TCF25: variants seen among roughly 807,000 people sequenced by gnomAD.
TCF25 encodes the protein TCF25 ribosome quality control complex subunit.
In TCF25, 41 loss-of-function variants were observed where a neutral mutation model predicts 83.1. That is an observed-to-expected ratio of 0.49 (90% CI 0.38 to 0.64). TCF25 has a LOEUF of 0.64. TCF25 is among the 30% of genes least tolerant of loss of function. The probability of loss-of-function intolerance (pLI) is 0.00; values close to 1 mark genes in which losing one functional copy is unlikely to be tolerated. For synonymous variants in TCF25, 458 were observed against 365.0 expected (o/e 1.25, Z -2.90); for missense variants, 979 against 914.5 (o/e 1.07, Z -0.91).
intron 1 of TCF25, chr16:89,878,376 A>T (rs1228052658): frequency 8.6e-7 from 1 of 1,166,422 alleles, no homozygotes; most frequent in Non-Finnish European, 1.1e-6. Context: ...ACCTGAGGTC[A>T]GGAGTTCGAG....
intron 1 of TCF25, among the ~76,000 whole-genome samples, chr16:89,875,818 G>A (rs1251889179): frequency 7.7e-6 from 1 of 129,036 alleles, no homozygotes; most frequent in African/African-American, 3.2e-5. Context: ...CACTGCGCCT[G>A]GCTTTTTTTT....
intron 16 of TCF25, chr16:89,909,118 A>C: frequency 7.8e-7 from 1 of 1,288,422 alleles, no homozygotes; most frequent in Non-Finnish European, 1.0e-6. Flanking sequence ...GTGTGCAGTG[A>C]AGTGGGGAAA....
chr16:89,886,764 A>G (rs1386281762), intron 4 of TCF25, among the ~76,000 whole-genome samples: 7 of 151,732 alleles, frequency 4.6e-5, no homozygotes, highest in Non-Finnish European at 1.0e-4. Flanking sequence ...CCGTCTCAAA[A>G]AAAAGAAAAA....
At chr16:89,886,002 C>G in intron 4 of TCF25, 36 bp downstream of exon 4, 1 of 1,563,616 alleles carries the variant, frequency 6.4e-7, no homozygotes, top group Non-Finnish European at 8.8e-7. Flanking sequence ...CTGCCCTTCT[C>G]TGCGGCTGCC....
Position 89,892,185 on chromosome 16 carries a change from C to T in TCF25, c.615-8C>T. ...AGTAAAGCTGTACCTGTGTCCCGTT[C>T]TCCCCAGGCCACGGCAGAGACAACG... On this transcript the variant is annotated splice_region_variant and splice_polypyrimidine_tract_variant and intron_variant, in intron 5 of 17. Coordinates refer to ENST00000263346, the MANE Select transcript of TCF25 (RefSeq NM_014972.3). 6.2e-7 allele frequency: 1 copy of T among 1,600,944 alleles called. No homozygotes were observed.
chr16:89,906,383 C>A, intron 15 of TCF25, 99 bp downstream of exon 15: 1 of 1,218,026 alleles, frequency 8.2e-7, no homozygotes, highest in African/African-American at 1.5e-5. Context: ...GTGGTGCGGG[C>A]TCCCTCAGCA....
rs201165635 is a variant in TCF25, at chr16:89,904,898, C to T, written c.1470-40C>T. On this transcript the variant is annotated intron_variant, in intron 13 of 17. Transcript: ENST00000263346. ...TGCCAGCCTCGAGGCAGGCTGTGGT[C>T]TGAAGAGGGGTTCTGCTCAGAGCCC... The T allele has an allele frequency of 2.6e-5, 41 of 1,582,362 alleles. No homozygotes were observed. The East Asian group carries it at 9.1e-4, about 35-fold the overall frequency.
rs755082536 is a variant in TCF25, at chr16:89,911,139, G to A, written c.1932G>A (p.Arg644=). ...GGLNRNQGLN[R]LMLAVRDMMA... ...TGAACCGCAACCAGGGCCTGAACAG[G>A]CTGATGCTGGCTGTGCGCGACATGA... is the stretch of plus-strand genomic sequence containing the variant. Residue 644 remains arginine (R), a synonymous_variant, in exon 18 of 18, where the codon AGG becomes AGA. Coordinates refer to ENST00000263346, the MANE Select transcript of TCF25 (RefSeq NM_014972.3). 1 of 1,612,054 alleles carries A rather than the reference G, an allele frequency of 6.2e-7. No homozygotes were observed. Among genetic ancestry groups the A allele is most frequent in the Non-Finnish European group, 8.5e-7 (1 of 1,179,964 alleles).
chr16:89,886,256 T>C (rs889635075), intron 4 of TCF25: 14 of 373,374 alleles, frequency 3.7e-5, no homozygotes, highest in East Asian at 6.7e-5. Context: ...TGAAACCCCC[T>C]CTCTACTAAA....
chr16:89,874,973 A>C (rs1333993452), intron 1 of TCF25: 1 of 152,188 alleles, frequency 6.6e-6, no homozygotes, highest in Non-Finnish European at 1.5e-5. Context: ...GTCAAGGTTC[A>C]GTAATTTGCT....
At position 89,873,858 on chromosome 16, in the gene TCF25, TGGTGAGGAGCGCGGCGGCCCGGGTG is replaced by T. The variant is rs977469199; in HGVS notation, c.192+2_192+26del. On this transcript the variant is annotated splice_donor_variant and splice_donor_5th_base_variant and coding_sequence_variant and intron_variant, in exon 1 of 18. Coordinates refer to ENST00000263346, the MANE Select transcript of TCF25 (RefSeq NM_014972.3). LOFTEE classifies it high-confidence loss of function. ...GTCCGAGTCAACAACCGCTTCGAGCTGGTGAGGAGCGCGGCGGCCCGGGTGGGGGTGGGGTGGCCCTTGACGTTGT... is the reference window on the plus strand; with the variant it reads ...GTCCGAGTCAACAACCGCTTCGAGCTGGGGTGGGGTGGCCCTTGACGTTGT... The T allele has an allele frequency of 1.5e-6, 2 of 1,321,998 alleles. No individual in the cohort carries two copies. The highest frequency in any genetic ancestry group is 3.6e-5 in the African/African-American group (2 of 56,180). The allele number at this position is 1,321,998 out of a possible 1,614,324, so 81.9% of individuals were successfully genotyped here.
intron 4 of TCF25, among the ~76,000 whole-genome samples, chr16:89,886,826 A>G (rs1235374990): frequency 6.6e-6 from 1 of 151,790 alleles, no homozygotes; most frequent in Non-Finnish European, 1.5e-5. Context: ...AATCCCAGCC[A>G]CTCAGGAGGC....
chr16:89,888,581 T>TC (rs1942274191), intron 5 of TCF25, among the ~76,000 whole-genome samples: 1 of 143,160 alleles, frequency 7.0e-6, no homozygotes, highest in Non-Finnish European at 1.5e-5. Context: ...AGAGCGAAAC[T>TC]CCATCTCAAA....
intron 5 of TCF25, chr16:89,890,779 T>C (rs565816724): frequency 1.3e-5 from 2 of 152,302 alleles, no homozygotes; most frequent in African/African-American, 4.8e-5. Context: ...ATTAGTATTA[T>C]AACTGTTAAT....
rs1389836049 is a variant in TCF25, at chr16:89,907,335, T to C, written c.1799+13T>C. On this transcript the variant is annotated intron_variant, in intron 16 of 17. Coordinates refer to ENST00000263346, the MANE Select transcript of TCF25 (RefSeq NM_014972.3). ...TCAGGCCAGAGAGGTACCTCCCTCC[T>C]TCCAGTTCCCACCTCCCAGCTCCCA... 6.2e-7 allele frequency: 1 copy of C among 1,605,914 alleles called. No homozygotes were observed. Among genetic ancestry groups the C allele is most frequent in the Admixed American group, 1.7e-5 (1 of 59,792 alleles).
At chr16:89,899,321 T>C (rs1184467969) in intron 11 of TCF25, among the ~76,000 whole-genome samples, 1 of 152,218 alleles carries the variant, frequency 6.6e-6, no homozygotes, top group African/African-American at 2.4e-5. Flanking sequence ...CAGGAGAGAC[T>C]TGAGCTCTGT....
At chr16:89,908,519 C>T (rs980493462) in intron 16 of TCF25, among the ~76,000 whole-genome samples, 7 of 149,834 alleles carry the variant, frequency 4.7e-5, no homozygotes, top group African/African-American at 1.7e-4. Context: ...TCCCACCTTC[C>T]AGCTCCCACC....
At chr16:89,905,681 C>T (rs4591146) in intron 14 of TCF25, among the ~76,000 whole-genome samples, 16,913 of 152,248 alleles carry the variant, frequency 0.11, 2,110 homozygotes, top group African/African-American at 0.31. Flanking sequence ...GAGGTGTGCC[C>T]GGGGGTGCCC....
At chr16:89,881,562 C>T (rs2042609820) in intron 1 of TCF25, among the ~76,000 whole-genome samples, 1 of 152,028 alleles carries the variant, frequency 6.6e-6, no homozygotes, top group Non-Finnish European at 1.5e-5. Flanking sequence ...TCACGCAGTC[C>T]TCCTCAGCCG....
Sources: allele counts gnomAD v4.1 joint callset (sites outside exome capture counted in the v4.1 genomes callset), GRCh38; gene constraint gnomAD v4.1.1; transcripts MANE v1.5; gene names NCBI Gene and HGNC (gene_info 2026-07-23, HGNC 2026-07-21).